Variants in PTBP3 observed in about 807,000 individuals in gnomAD.
PTBP3 encodes the protein polypyrimidine tract-binding protein 3.
PTBP3 carries 20 observed loss-of-function variants against 58.7 expected under a neutral mutation model. The ratio of observed to expected loss-of-function variants is 0.34; its 90% confidence interval spans 0.24 to 0.50. The LOEUF (loss-of-function observed/expected upper bound fraction) is 0.50, where lower values mean the gene tolerates loss of function less well. Ranked by LOEUF, PTBP3 falls within the 20% of genes least tolerant of loss-of-function variation. The pLI is 0.98. For synonymous variants in PTBP3, 185 were observed against 219.8 expected, an observed-to-expected ratio of 0.84 and a Z score of 1.40; for missense variants, 509 against 637.2, an observed-to-expected ratio of 0.80 and a Z score of 2.17.
chr9:112,233,789 G>A (rs1432030070), intron 8 of PTBP3, among the ~76,000 whole-genome samples: 2 of 152,096 alleles, frequency 1.3e-5, no homozygotes, highest in African/African-American at 2.4e-5. Flanking sequence ...AAATTAGCTG[G>A]GCGTGGTGAC....
Position 112,250,968 on chromosome 9 carries a change from C to T in PTBP3, c.763G>A (p.Gly255Ser). The T allele has an allele frequency of 6.2e-7, 1 of 1,608,508 alleles. No homozygotes were observed. Among genetic ancestry groups the T allele is most frequent in the Non-Finnish European group, 8.5e-7 (1 of 1,177,328 alleles). The change falls in exon 7 of 14, where the codon GGC becomes AGC. Residue 255 changes from glycine (G) to serine (S), a missense_variant. Around this residue, in one of 4 missense-constraint regions of PTBP3, gnomAD observed 121 missense variants for 114.8 expected, o/e 1.05. Transcript: ENST00000374257. Reference sequence around the variant, plus strand: ...ATAGGGGGTTCAAGGGATGGCTGGCCATCACCAGTAGGAAGGTCTAAGCGA... The same window carrying T: ...ATAGGGGGTTCAAGGGATGGCTGGCTATCACCAGTAGGAAGGTCTAAGCGA... ...FTRLDLPTGD[G>S]QPSLEPPMAA...
intron 2 of PTBP3, among the ~76,000 whole-genome samples, chr9:112,295,327 T>C (rs1157519450): frequency 2.0e-5 from 3 of 150,816 alleles, no homozygotes; most frequent in Non-Finnish European, 2.9e-5. Flanking sequence ...ATGGTGACAA[T>C]GTTATCAGGC....
Position 112,262,716 on chromosome 9 carries a change from T to C in PTBP3, c.352-117A>G. 3 of 909,074 alleles carry C rather than the reference T, an allele frequency of 3.3e-6. No homozygotes were observed. In the Admixed American group the frequency reaches 1.2e-4, roughly 38 times the overall value. The allele number at this position is 909,074 out of a possible 1,614,324, so 56.3% of individuals were successfully genotyped here. A position where few individuals can be genotyped will look rare whatever the true frequency, so the allele number is the denominator to read the frequency against. ...GTAGTTAAGTAAAACAAGATTTATC[T>C]ACTCCGTCTGGAGATACATATCCTA... is the stretch of plus-strand genomic sequence containing the variant. On this transcript the variant is annotated intron_variant, in intron 4 of 13. Transcript: ENST00000374257.
At chr9:112,329,935 TC>T (rs1172197472) in intron 1 of PTBP3, among the ~76,000 whole-genome samples, 2 of 150,760 alleles carry the variant, frequency 1.3e-5, no homozygotes, top group African/African-American at 4.9e-5. Flanking sequence ...AGCCTTGACT[TC>T]CCGGGCTCAG....
chr9:112,292,948 C>T (rs950228485), intron 2 of PTBP3, among the ~76,000 whole-genome samples: 10 of 151,964 alleles, frequency 6.6e-5, no homozygotes, highest in Admixed American at 3.3e-4. Flanking sequence ...CAAGCAAACA[C>T]GGTGAAACAC....
chr9:112,247,272 AAAT>A (rs1835920756), intron 7 of PTBP3, among the ~76,000 whole-genome samples: 1 of 11,716 alleles, frequency 8.5e-5, no homozygotes, highest in Non-Finnish European at 1.9e-4. Flanking sequence ...TTTCAATAAT[AAAT>A]AAATAAATAA....
chr9:112,241,229 A>G (rs4263841), intron 7 of PTBP3, among the ~76,000 whole-genome samples: 84,459 of 151,856 alleles, frequency 0.56, 25,202 homozygotes, highest in African/African-American at 0.79. Context: ...TCAGCCTCCC[A>G]AGTAGCTGGG....
In PTBP3 at chr9:112,222,327, G is replaced by A; in HGVS notation, c.*1524C>T. 1.0e-6 allele frequency: 1 copy of A among 980,428 alleles called. No homozygotes were observed. Among genetic ancestry groups the A allele is most frequent in the Non-Finnish European group, 1.2e-6 (1 of 825,032 alleles). The allele number at this position is 980,428 out of a possible 1,614,324, so 60.7% of individuals were successfully genotyped here. A position where few individuals can be genotyped will look rare whatever the true frequency, so the allele number is the denominator to read the frequency against. ...GTACTCTTACATTCAATGAAAAAGA[G>A]AGGGACAGAGTATGAGAAATAACCC... On this transcript the variant is annotated 3_prime_UTR_variant, in exon 14 of 14. Coordinates refer to ENST00000374257, the MANE Select transcript of PTBP3 (RefSeq NM_001163788.4).
In PTBP3 at chr9:112,234,980, G is replaced by A. The variant is rs75318570; in HGVS notation, c.803-83C>T. On this transcript the variant is annotated intron_variant, in intron 7 of 13. Transcript: ENST00000374257. The stretch of plus-strand genomic sequence containing the variant: ...AGCAATATAAAATGGCTCTATGAAA[G>A]TATATTACTAACAAAGAGATTCTGT... The A allele has an allele frequency of 1.7e-3, 1,931 of 1,116,930 alleles. 28 individuals carry two copies. The African/African-American group carries it at 0.027, about 16-fold the overall frequency. The allele number at this position is 1,116,930 out of a possible 1,614,324, so 69.2% of individuals were successfully genotyped here.
chr9:112,350,727 T>C, the PTBP3 span, among the ~76,000 whole-genome samples: 1 of 152,200 alleles, frequency 6.6e-6, no homozygotes, highest in Non-Finnish European at 1.5e-5. Flanking sequence ...TATCTCACAC[T>C]GTCTTTAGGT....
At chr9:112,330,361 AT>A (rs771565227) in intron 1 of PTBP3, 76 of 1,066,436 alleles carry the variant, frequency 7.1e-5, no homozygotes, top group Non-Finnish European at 1.0e-4. Context: ...AATAAAGCAG[AT>A]AATTTTATGA....
the PTBP3 span, chr9:112,379,816 A>G: frequency 6.5e-6 from 3 of 462,688 alleles, no homozygotes; most frequent in East Asian, 9.2e-5. Flanking sequence ...GAAAAGGTGG[A>G]CGTAGCGGCT....
intron 8 of PTBP3, among the ~76,000 whole-genome samples, chr9:112,233,332 A>G (rs1192854652): frequency 1.3e-5 from 2 of 150,722 alleles, no homozygotes; most frequent in African/African-American, 4.9e-5. Context: ...CTATCAGCTT[A>G]AAAGTCTTAT....
rs1834834359 is a variant in PTBP3 at position 112,222,276 on chromosome 9, T to C, written c.*1575A>G. 2 of 971,412 alleles carry C rather than the reference T, an allele frequency of 2.1e-6. No individual in the cohort carries two copies. The highest frequency in any genetic ancestry group is 1.8e-5 in the African/African-American group (1 of 57,020). The allele number at this position is 971,412 out of a possible 1,614,324, so 60.2% of individuals were successfully genotyped here. A position where few individuals can be genotyped will look rare whatever the true frequency, so the allele number is the denominator to read the frequency against. ...ATTAAAAAGAAACAATTTTACATTA[T>C]ACAATCACTGAAGCAACATTAAAAT... On this transcript the variant is annotated 3_prime_UTR_variant, in exon 14 of 14. Coordinates refer to ENST00000374257, the MANE Select transcript of PTBP3 (RefSeq NM_001163788.4).
chr9:112,345,660 C>T, the PTBP3 span, among the ~76,000 whole-genome samples: 4 of 151,710 alleles, frequency 2.6e-5, no homozygotes, highest in Non-Finnish European at 4.4e-5. Context: ...GGATTACAGG[C>T]GTAAGCCACA....
chr9:112,231,470 AGTTT>A (rs754179399), intron 9 of PTBP3, 57 bp from the exon 10 acceptor site: 4 of 1,431,282 alleles, frequency 2.8e-6, no homozygotes, highest in Non-Finnish European at 3.8e-6. Context: ...ATTGAAAATA[AGTTT>A]ATTTATACTG....
chr9:112,254,930 C>T (rs1351931219), intron 5 of PTBP3, among the ~76,000 whole-genome samples: 1 of 152,074 alleles, frequency 6.6e-6, no homozygotes, highest in Non-Finnish European at 1.5e-5. Context: ...ATGTGTATCG[C>T]AGCATTACAC....
intron 2 of PTBP3, among the ~76,000 whole-genome samples, chr9:112,284,816 C>T (rs1828036609): frequency 2.0e-5 from 3 of 150,944 alleles, no homozygotes; most frequent in Admixed American, 1.3e-4. Context: ...ATCACTTTCT[C>T]CCATTTGGAA....
the PTBP3 span, among the ~76,000 whole-genome samples, chr9:112,355,277 T>G: frequency 6.6e-6 from 1 of 152,154 alleles, no homozygotes; most frequent in Non-Finnish European, 1.5e-5. Flanking sequence ...TTGAACAACA[T>G]CAATGCTCTG....
Sources: gnomAD v4.1 joint callset for allele counts (sites outside exome capture counted in the v4.1 genomes callset) on GRCh38, gnomAD v4.1.1 for gene constraint, gnomAD v4.1.1 regional missense constraint, MANE v1.5 for transcripts, NCBI Gene and HGNC (gene_info 2026-07-23, HGNC 2026-07-21) for gene names.